SLC13A2: variants seen among roughly 807,000 people sequenced by gnomAD.
SLC13A2 encodes the protein Na(+)-coupled citrate transporter.
SLC13A2 carries 40 observed loss-of-function variants against 58.5 expected under a neutral mutation model. The ratio of observed to expected loss-of-function variants is 0.68; its 90% confidence interval spans 0.53 to 0.89. The LOEUF (loss-of-function observed/expected upper bound fraction) is 0.89. SLC13A2 is among the 40% of genes least tolerant of loss of function. The probability of loss-of-function intolerance (pLI) is 0.00; values close to 1 mark genes in which losing one functional copy is unlikely to be tolerated. For synonymous variants in SLC13A2, 341 were observed against 331.6 expected, an observed-to-expected ratio of 1.03 and a Z score of -0.31; for missense variants, 694 against 772.6, an observed-to-expected ratio of 0.90 and a Z score of 1.21.
At chr17:28,475,008 C>A (rs1388080052) in intron 1 of SLC13A2, among the ~76,000 whole-genome samples, 10 of 152,166 alleles carry the variant, frequency 6.6e-5, no homozygotes, top group Admixed American at 6.5e-5. Context: ...GTAACAAGGC[C>A]CAGCTGACCT....
intron 1 of SLC13A2, among the ~76,000 whole-genome samples, chr17:28,477,380 G>A (rs555619849): frequency 7.3e-5 from 11 of 151,410 alleles, no homozygotes; most frequent in Non-Finnish European, 1.6e-4. Context: ...ATTTTTAGTA[G>A]AGACGGGGTT....
Position 28,488,313 on chromosome 17 carries a change from C to A in SLC13A2, c.103-901C>A, listed in dbSNP as rs926215106. Among the ~76,000 whole-genome samples, 87 of 152,110 alleles carry A rather than the reference C, an allele frequency of 5.7e-4. 1 individual carries two copies. The highest frequency in any genetic ancestry group is 5.2e-3 in the Admixed American group (80 of 15,268). ...GGAGGGGGTCCCCAGCCCCATTGTC[C>A]AACAAACCCCAGCATGCGGCCCCTT... On this transcript the variant is annotated intron_variant, in intron 1 of 11. Coordinates refer to ENST00000314669, the MANE Select transcript of SLC13A2 (RefSeq NM_003984.4).
chr17:28,475,342 C>A (rs1327338827), intron 1 of SLC13A2, among the ~76,000 whole-genome samples: 1 of 152,206 alleles, frequency 6.6e-6, no homozygotes, highest in Non-Finnish European at 1.5e-5. Flanking sequence ...CTGCCAGCCC[C>A]ATCCTGACTC....
At chr17:28,477,179 C>A (rs1350839517) in intron 1 of SLC13A2, among the ~76,000 whole-genome samples, 15 of 147,268 alleles carry the variant, frequency 1.0e-4, no homozygotes, top group Admixed American at 8.1e-4. Flanking sequence ...AAATAAAAAA[C>A]ACCCAAGTTT....
At chr17:28,481,005 A>T (rs1555601028) in intron 1 of SLC13A2, among the ~76,000 whole-genome samples, 1 of 152,188 alleles carries the variant, frequency 6.6e-6, no homozygotes, top group Non-Finnish European at 1.5e-5. Context: ...CCTGGCGTAG[A>T]GTCCCCAACT....
chr17:28,490,595 G>A lies in SLC13A2; in HGVS notation c.368+5G>A, dbSNP rs782613635. The stretch of plus-strand genomic sequence containing the variant: ...CGTTGGGGTGCGGCCTGCCCCGTGA[G>A]TTCCTCCTGCAAACCAGCACGGGAG... On this transcript the variant is annotated splice_donor_5th_base_variant and intron_variant, in intron 3 of 11. Transcript: ENST00000314669. 3.8e-6 allele frequency: 6 copies of A among 1,594,142 alleles called. No homozygotes were observed. The South Asian group carries it at 6.8e-5, about 18-fold the overall frequency.
At position 28,491,985 on chromosome 17, in the gene SLC13A2, G is replaced by A. The variant is rs929168278; in HGVS notation, c.878+133G>A. ...GGCTTCTCCCTCCCAAAGCCCCTCTGTGCACTTGGACCCCCATTTGAGGAA... is the reference window on the plus strand; with the variant it reads ...GGCTTCTCCCTCCCAAAGCCCCTCTATGCACTTGGACCCCCATTTGAGGAA... On this transcript the variant is annotated intron_variant, in intron 6 of 11. Coordinates refer to ENST00000314669, the MANE Select transcript of SLC13A2 (RefSeq NM_003984.4). 6 of 1,310,138 alleles carry A rather than the reference G, an allele frequency of 4.6e-6. No homozygotes were observed. In the African/African-American group the frequency reaches 7.4e-5, roughly 16 times the overall value. 81.2% of individuals were successfully genotyped at this position (1,310,138 alleles called of 1,614,324 possible).
At position 28,497,043 on chromosome 17, in the gene SLC13A2, C is replaced by G. The variant is rs1268231389; in HGVS notation, c.1609-56C>G. On this transcript the variant is annotated intron_variant, in intron 11 of 11. Transcript: ENST00000314669. Reference sequence around the variant, plus strand: ...CTGTGCACCCCCAAACACCTGGGGACTTGGGGGCAGTCCAGCCCAGTCCCT... The same window carrying G: ...CTGTGCACCCCCAAACACCTGGGGAGTTGGGGGCAGTCCAGCCCAGTCCCT... 3.2e-6 allele frequency: 5 copies of G among 1,572,448 alleles called. No homozygotes were observed. In the African/African-American group the frequency reaches 5.4e-5, roughly 17 times the overall value.
At chr17:28,490,337 G>C (rs782519792) in intron 2 of SLC13A2, 117 bp from the exon 3 acceptor site, 1 of 1,607,728 alleles carries the variant, frequency 6.2e-7, no homozygotes, top group Non-Finnish European at 8.5e-7. Context: ...ATCCAGTTTC[G>C]AGAGCCCAGG....
rs531195533 is a variant in SLC13A2, at chr17:28,487,633, G to T, written c.103-1581G>T. The T allele has an allele frequency of 3.1e-5, 30 of 962,432 alleles. No individual in the cohort carries two copies. The African/African-American group carries it at 5.1e-4, about 16-fold the overall frequency. 59.6% of individuals were successfully genotyped at this position (962,432 alleles called of 1,614,324 possible). On this transcript the variant is annotated intron_variant, in intron 1 of 11. Transcript: ENST00000314669. ...GGTGGAGGACACCAGGGTCCAGGAG[G>T]GCTGGCCCACCCTTAGTCCAAGGGG...
rs1189489473 is a variant in SLC13A2, at chr17:28,496,474, C to G, written c.1495C>G (p.Leu499Val). The G allele has an allele frequency of 1.2e-6, 2 of 1,610,446 alleles. No homozygotes were observed. Among genetic ancestry groups the G allele is most frequent in the Admixed American group, 1.7e-5 (1 of 59,790 alleles). ...SMAQAICLHP[L>V]YVMLPCTLAT... ...GGCCCAGGCCATCTGCCTCCACCCT[C>G]TCTACGTCATGCTCCCCTGCACTCT... Residue 499 changes from leucine to valine, a missense_variant, in exon 11 of 12, where the codon CTC becomes GTC. By Grantham distance (32) the Leu-to-Val change is conservative. Transcript: ENST00000314669. The surrounding 1 kb of genome is among the most constrained non-coding windows in gnomAD (Gnocchi z 4.2).
chr17:28,494,603 G>A lies in SLC13A2; in HGVS notation c.1308+91G>A. On this transcript the variant is annotated intron_variant, in intron 9 of 11. Coordinates refer to ENST00000314669, the MANE Select transcript of SLC13A2 (RefSeq NM_003984.4). This position sits in a 1 kb window ranked among gnomAD's most constrained non-coding sequence, Gnocchi z 4.0. ...CCCTGCTTCTGTCCCACAGAGGGGAGACCTGGTCCCCACGTAGGAGCCTCT... is the reference window on the plus strand; with the variant it reads ...CCCTGCTTCTGTCCCACAGAGGGGAAACCTGGTCCCCACGTAGGAGCCTCT... The A allele has an allele frequency of 6.4e-7, 1 of 1,564,658 alleles. No homozygotes were observed. The highest frequency in any genetic ancestry group is 8.7e-7 in the Non-Finnish European group (1 of 1,152,220).
chr17:28,497,592 G>A lies in SLC13A2; in HGVS notation c.*323G>A, dbSNP rs1426340878. The A allele has an allele frequency of 1.4e-5, 4 of 287,848 alleles. No individual in the cohort carries two copies. In the Admixed American group the frequency reaches 1.4e-4, roughly 10 times the overall value. 17.8% of individuals were successfully genotyped at this position (287,848 alleles called of 1,614,324 possible). ...TATGTTGGACAGTGCACACGTGTGT[G>A]TTCACAGACAATACAACATGCCCTC... On this transcript the variant is annotated 3_prime_UTR_variant, in exon 12 of 12. Coordinates refer to ENST00000314669, the MANE Select transcript of SLC13A2 (RefSeq NM_003984.4).
intron 9 of SLC13A2, among the ~76,000 whole-genome samples, chr17:28,495,428 C>T (rs1002135581): frequency 3.3e-5 from 5 of 152,100 alleles, no homozygotes; most frequent in African/African-American, 1.2e-4. Flanking sequence ...GCCCTTTGGC[C>T]CCCTCCTAAT....
At chr17:28,492,122 C>T (rs1157997387) in intron 6 of SLC13A2, among the ~76,000 whole-genome samples, 1 of 152,122 alleles carries the variant, frequency 6.6e-6, no homozygotes, top group South Asian at 2.1e-4. Flanking sequence ...TCACTTGATG[C>T]CCCTTCCCAT....
intron 1 of SLC13A2, among the ~76,000 whole-genome samples, chr17:28,477,403 C>G (rs949343166): frequency 6.6e-6 from 1 of 151,622 alleles, no homozygotes; most frequent in Admixed American, 6.6e-5. Context: ...ACCGTGTTAG[C>G]CAGGATGGTC....
rs1251199584 is a variant in SLC13A2 at position 28,477,186 on chromosome 17, G to GTTTT, written c.102+3375_102+3378dup. 1.0e-4 allele frequency among the ~76,000 whole-genome samples: 12 copies of GTTTT among 119,438 alleles called. 1 individual carries two copies. The highest frequency in any genetic ancestry group is 1.7e-4 in the African/African-American group (5 of 29,370). 78.4% of individuals were successfully genotyped at this position (119,438 alleles called of 152,430 possible). A position where few individuals can be genotyped will look rare whatever the true frequency, so the allele number is the denominator to read the frequency against. On this transcript the variant is annotated intron_variant, in intron 1 of 11. Coordinates refer to ENST00000314669, the MANE Select transcript of SLC13A2 (RefSeq NM_003984.4). The stretch of plus-strand genomic sequence containing the variant: ...AAAAAAACAAATAAAAAACACCCAA[G>GTTTT]TTTTTTGTTTTTTTTTTTTTTTTTT...
intron 1 of SLC13A2, among the ~76,000 whole-genome samples, chr17:28,482,718 C>G (rs955765872): frequency 6.6e-6 from 1 of 152,218 alleles, no homozygotes; most frequent in African/African-American, 2.4e-5. Flanking sequence ...GCATCTTGAT[C>G]TTTTATGTCT....
intron 5 of SLC13A2, 46 bp from the exon 6 acceptor site, chr17:28,491,684 C>T: frequency 3.1e-6 from 5 of 1,610,012 alleles, no homozygotes; most frequent in Non-Finnish European, 4.2e-6. Flanking sequence ...TGGGGCTGGG[C>T]AGTTCTCGGG....
Sources: allele counts gnomAD v4.1 joint callset (sites outside exome capture counted in the v4.1 genomes callset), GRCh38; gene constraint gnomAD v4.1.1; non-coding constraint Gnocchi (gnomAD v3.1); transcripts MANE v1.5; gene names NCBI Gene and HGNC (gene_info 2026-07-23, HGNC 2026-07-21).